Variants in UGGT2 observed in about 807,000 individuals in gnomAD.
UGGT2 encodes the protein UDP-glucose glycoprotein glucosyltransferase 2.
UGGT2 carries 180 observed loss-of-function variants against 192.1 expected under a neutral mutation model. The ratio of observed to expected loss-of-function variants is 0.94; its 90% CI spans 0.83 to 1.06. The LOEUF (loss-of-function observed/expected upper bound fraction) is 1.06, where lower values mean the gene tolerates loss of function less well. Among genes scored for constraint, UGGT2 ranks in the 50% least tolerant of loss-of-function variants. UGGT2 has a pLI of 0.00. For synonymous variants in UGGT2, 580 were observed against 591.0 expected (o/e 0.98, Z 0.27); for missense variants, 1,849 against 1,795.7 (o/e 1.03, Z -0.54).
intron 4 of UGGT2, among the ~76,000 whole-genome samples, chr13:96,016,717 G>A (rs1180804122): frequency 6.6e-6 from 1 of 152,240 alleles, no homozygotes; most frequent in African/African-American, 2.4e-5. Flanking sequence ...AGTGCATAGA[G>A]GAAATGTGGG....
rs935752047 is a variant in UGGT2, at chr13:96,050,134, A to G, written c.158+3021T>C. Reference sequence around the variant, plus strand: ...ATGGTACTGGTGCCAAAATAGAGATATAGACCAATGGAACAGAGCAGAGCC... The same window carrying G: ...ATGGTACTGGTGCCAAAATAGAGATGTAGACCAATGGAACAGAGCAGAGCC... On this transcript the variant is annotated intron_variant, in intron 1 of 38. Transcript: ENST00000376747. Among the ~76,000 whole-genome samples the G allele has an allele frequency of 7.9e-5, 12 of 152,228 alleles. 1 individual carries two copies. The highest frequency in any genetic ancestry group is 2.4e-5 in the African/African-American group (1 of 41,452).
intron 1 of UGGT2, among the ~76,000 whole-genome samples, chr13:96,048,337 G>A (rs1268335124): frequency 1.3e-5 from 2 of 152,306 alleles, no homozygotes; most frequent in African/African-American, 4.8e-5. Flanking sequence ...TTAAAGCAGT[G>A]TGTAGAGGGA....
In UGGT2 at chr13:95,891,767, G is replaced by A. The variant is rs117641380; in HGVS notation, c.2856-803C>T. Among the ~76,000 whole-genome samples, 765 of 152,228 alleles carry A rather than the reference G, an allele frequency of 5.0e-3. 2 individuals carry two copies. The highest frequency in any genetic ancestry group is 7.8e-3 in the Non-Finnish European group (533 of 67,982). ...CAAAGGAAAAAGGTTACCAAATCAA[G>A]AGGTACATGTGTAGTTACAGGAATA... On this transcript the variant is annotated intron_variant, in intron 24 of 38. Coordinates refer to ENST00000376747, the MANE Select transcript of UGGT2 (RefSeq NM_020121.4).
At position 95,927,263 on chromosome 13, in the gene UGGT2, G is replaced by A; in HGVS notation, c.2051C>T (p.Thr684Ile). ...DRNNVVPRIN[T>I]LILRTNQQYL... ...CTGCTGGTTAGTACGCAAAATCAAA[G>A]TATTTATACGGGGTACAACATTATT... The change falls in exon 18 of 39, where the codon ACT becomes ATT. Residue 684 changes from threonine (T) to isoleucine (I), a missense_variant. Transcript: ENST00000376747. The A allele has an allele frequency of 2.5e-6, 4 of 1,612,434 alleles. No individual in the cohort carries two copies. Among genetic ancestry groups the A allele is most frequent in the African/African-American group, 2.7e-5 (2 of 74,952 alleles).
intron 1 of UGGT2, among the ~76,000 whole-genome samples, chr13:96,041,945 T>C (rs1407227509): frequency 1.3e-5 from 2 of 152,124 alleles, no homozygotes; most frequent in East Asian, 1.9e-4. Flanking sequence ...CTCACCATGG[T>C]AGCTGAAGAC....
At chr13:95,972,000 T>C (rs1000174375) in intron 11 of UGGT2, among the ~76,000 whole-genome samples, 3 of 152,214 alleles carry the variant, frequency 2.0e-5, no homozygotes, top group Admixed American at 2.0e-4. Flanking sequence ...TTAATTTTAA[T>C]GTAGTTTTAT....
intron 4 of UGGT2, among the ~76,000 whole-genome samples, chr13:96,022,546 A>C (rs1338536769): frequency 6.6e-6 from 1 of 151,184 alleles, no homozygotes; most frequent in African/African-American, 2.4e-5. Flanking sequence ...TTATTTTTTA[A>C]AGTATAAATA....
At chr13:95,921,685 T>G (rs1039342963) in intron 20 of UGGT2, among the ~76,000 whole-genome samples, 1 of 152,052 alleles carries the variant, frequency 6.6e-6, no homozygotes, top group Non-Finnish European at 1.5e-5. Context: ...AAATGCTCAG[T>G]ATCACTACTC....
intron 12 of UGGT2, among the ~76,000 whole-genome samples, chr13:95,952,073 T>C (rs1451975799): frequency 6.7e-6 from 1 of 148,580 alleles, no homozygotes; most frequent in Non-Finnish European, 1.5e-5. Context: ...AAAAGATACA[T>C]ATTAGTCATA....
chr13:96,043,899 G>A (rs1479022111), intron 1 of UGGT2, among the ~76,000 whole-genome samples: 1 of 152,062 alleles, frequency 6.6e-6, no homozygotes, highest in Admixed American at 6.6e-5. Context: ...GAGATACACA[G>A]TAACAAAATA....
intron 20 of UGGT2, among the ~76,000 whole-genome samples, chr13:95,906,475 C>T (rs916572386): frequency 3.3e-5 from 5 of 151,912 alleles, no homozygotes; most frequent in Non-Finnish European, 7.4e-5. Flanking sequence ...CTCAGAGAAA[C>T]GTGGGACACC....
intron 33 of UGGT2, among the ~76,000 whole-genome samples, chr13:95,857,262 T>C (rs957744295): frequency 6.6e-6 from 1 of 152,084 alleles, no homozygotes; most frequent in Non-Finnish European, 1.5e-5. Flanking sequence ...TCAGATAAAA[T>C]AAAAAGAATA....
rs145313450 is a variant in UGGT2 at position 95,933,838 on chromosome 13, G to C, written c.1977+3086C>G. Among the ~76,000 whole-genome samples the C allele has an allele frequency of 3.2e-3, 481 of 151,968 alleles. 3 individuals carry two copies. The highest frequency in any genetic ancestry group is 0.011 in the African/African-American group (459 of 41,482). On this transcript the variant is annotated intron_variant, in intron 17 of 38. Transcript: ENST00000376747. ...CTGGGACTACAGGCACCAGCCACCA[G>C]GCCCAGCTAATTTTTTTTTGTACTT... is the stretch of plus-strand genomic sequence containing the variant.
At chr13:95,837,759 T>C (rs1395892203) in intron 36 of UGGT2, among the ~76,000 whole-genome samples, 5 of 152,212 alleles carry the variant, frequency 3.3e-5, no homozygotes. Flanking sequence ...CCCAGAGATA[T>C]TTGTTTATAT....
chr13:95,965,838 C>T (rs190178753), intron 12 of UGGT2, among the ~76,000 whole-genome samples: 6 of 151,852 alleles, frequency 4.0e-5, no homozygotes, highest in Middle Eastern at 3.2e-3. Context: ...AAAAGTGACA[C>T]GGAATATCAT....
chr13:95,819,407 G>C (rs764806945), intron 38 of UGGT2, among the ~76,000 whole-genome samples: 8 of 151,870 alleles, frequency 5.3e-5, no homozygotes, highest in Middle Eastern at 6.8e-3. Context: ...CTTTGATTTA[G>C]TCACTGCTCA....
At chr13:95,840,922 C>A (rs968999676) in intron 36 of UGGT2, among the ~76,000 whole-genome samples, 4 of 152,124 alleles carry the variant, frequency 2.6e-5, no homozygotes, top group Admixed American at 1.3e-4. Context: ...AAGCTGGAAA[C>A]CATCATCCTC....
At chr13:95,943,385 C>G (rs1045624379) in intron 15 of UGGT2, among the ~76,000 whole-genome samples, 1 of 151,870 alleles carries the variant, frequency 6.6e-6, no homozygotes, top group Non-Finnish European at 1.5e-5. Flanking sequence ...CAAATTTTCT[C>G]CACAAAACTG....
intron 4 of UGGT2, 53 bp from the exon 5 acceptor site, chr13:96,013,534 A>G (rs1170462527): frequency 2.3e-6 from 3 of 1,277,588 alleles, no homozygotes; most frequent in Non-Finnish European, 3.1e-6. Flanking sequence ...TTAATGGCAT[A>G]TCAATTCTGT....
Sources: gnomAD v4.1 joint callset for allele counts (sites outside exome capture counted in the v4.1 genomes callset) on GRCh38, gnomAD v4.1.1 for gene constraint, MANE v1.5 for transcripts, NCBI Gene and HGNC (gene_info 2026-07-23, HGNC 2026-07-21) for gene names.